Variants in IDE observed in about 807,000 individuals in gnomAD.
IDE encodes the protein insulin degrading enzyme.
Under a neutral mutation model 133.2 loss-of-function variants are expected in IDE, and 58 were observed. That is an observed-to-expected ratio of 0.44 (90% CI 0.35 to 0.54). The LOEUF (loss-of-function observed/expected upper bound fraction) is 0.54, where lower values mean the gene tolerates loss of function less well. Ranked by LOEUF, IDE falls within the 20% of genes least tolerant of loss-of-function variation. IDE has a pLI of 0.00. For missense variants in IDE, 981 were observed against 1,234.0 expected, an observed-to-expected ratio of 0.79 and a Z score of 3.07; for synonymous variants, 396 against 421.3, an observed-to-expected ratio of 0.94 and a Z score of 0.73.
chr10:92,458,991 A>C (rs1371611925), intron 22 of IDE, among the ~76,000 whole-genome samples: 3 of 152,200 alleles, frequency 2.0e-5, no homozygotes, highest in Non-Finnish European at 4.4e-5. Context: ...CATGAGGTAA[A>C]GAAAATCACT....
chr10:92,516,730 T>G (rs543960910), intron 4 of IDE, among the ~76,000 whole-genome samples: 1 of 152,298 alleles, frequency 6.6e-6, no homozygotes, highest in South Asian at 2.1e-4. Context: ...ACCATTAAAT[T>G]TGTGATGTGA....
intron 12 of IDE, among the ~76,000 whole-genome samples, chr10:92,489,273 C>G (rs1322332751): frequency 2.0e-5 from 3 of 152,212 alleles, no homozygotes; most frequent in Middle Eastern, 3.4e-3. Context: ...AATTCCCAGC[C>G]GGGTGTGGTG....
chr10:92,508,636 A>T, intron 7 of IDE, 92 bp downstream of exon 7: 2 of 1,196,118 alleles, frequency 1.7e-6, no homozygotes, highest in South Asian at 2.7e-5. Context: ...ACATCTAACA[A>T]TGTTCCTTCA....
intron 3 of IDE, among the ~76,000 whole-genome samples, chr10:92,533,230 T>A (rs1398277943): frequency 6.6e-6 from 1 of 152,206 alleles, no homozygotes; most frequent in Admixed American, 6.5e-5. Flanking sequence ...ATCTATTATA[T>A]GAACATCTGC....
chr10:92,540,992 G>A (rs1842276824), intron 1 of IDE, among the ~76,000 whole-genome samples: 2 of 152,110 alleles, frequency 1.3e-5, no homozygotes, highest in South Asian at 4.1e-4. Flanking sequence ...TAACTTATTT[G>A]GACGCTGAAG....
chr10:92,525,015 CT>C (rs1339577369), intron 4 of IDE, among the ~76,000 whole-genome samples: 3 of 152,054 alleles, frequency 2.0e-5, no homozygotes, highest in Non-Finnish European at 4.4e-5. Context: ...AATCCCAGCA[CT>C]TTGGGAGGCC....
intron 15 of IDE, among the ~76,000 whole-genome samples, chr10:92,478,461 C>T (rs1427121043): frequency 2.0e-5 from 3 of 152,120 alleles, no homozygotes; most frequent in East Asian, 3.9e-4. Flanking sequence ...ACAAGATGCA[C>T]TAAACTTTAT....
intron 22 of IDE, among the ~76,000 whole-genome samples, chr10:92,458,983 T>C (rs929196719): frequency 2.0e-5 from 3 of 152,130 alleles, no homozygotes; most frequent in African/African-American, 4.8e-5. Context: ...AAGGAAGCCA[T>C]GAGGTAAAGA....
At chr10:92,475,137 T>TG (rs1846186567) in intron 16 of IDE, among the ~76,000 whole-genome samples, 176 bp from the exon 17 acceptor site, 1 of 152,228 alleles carries the variant, frequency 6.6e-6, no homozygotes, top group African/African-American at 2.4e-5. Flanking sequence ...GATCTTTACA[T>TG]AAAAGTGCAT....
chr10:92,502,795 T>C (rs1173211210), intron 11 of IDE, among the ~76,000 whole-genome samples: 3 of 152,222 alleles, frequency 2.0e-5, no homozygotes, highest in Non-Finnish European at 2.9e-5. Flanking sequence ...AAAGAGCATT[T>C]GCTGTTAAAG....
chr10:92,454,162 A>C lies in IDE; in HGVS notation c.*282T>G. ...TAGGGAAGGAAGATTCTATAGGAAT[A>C]TCATTCATTTTAAGCATTGTTATAT... On this transcript the variant is annotated 3_prime_UTR_variant, in exon 25 of 25. Transcript: ENST00000265986. The C allele has an allele frequency of 4.0e-6, 1 of 248,068 alleles. No homozygotes were observed. Among genetic ancestry groups the C allele is most frequent in the East Asian group, 8.3e-5 (1 of 11,980 alleles). The allele number at this position is 248,068 out of a possible 1,614,324, so 15.4% of individuals were successfully genotyped here. A position where few individuals can be genotyped will look rare whatever the true frequency, so the allele number is the denominator to read the frequency against.
Position 92,531,742 on chromosome 10 carries a change from A to G in IDE, c.661+6T>C, listed in dbSNP as rs1849936262. ...ATGAGGTCAAGGAAAGCAGCTGTTG[A>G]CAAACCTGTCCCAAATTTACTGAAG... On this transcript the variant is annotated splice_donor_region_variant and intron_variant, in intron 4 of 24. Coordinates refer to ENST00000265986, the MANE Select transcript of IDE (RefSeq NM_004969.4). 6.4e-7 allele frequency: 1 copy of G among 1,566,740 alleles called. No homozygotes were observed. Among genetic ancestry groups the G allele is most frequent in the Non-Finnish European group, 8.7e-7 (1 of 1,152,086 alleles).
intron 10 of IDE, 29 bp downstream of exon 10, chr10:92,506,413 T>C: frequency 9.4e-7 from 1 of 1,065,538 alleles, no homozygotes; most frequent in Non-Finnish European, 1.4e-6. Context: ...CACACAGCAA[T>C]GTATACAGTA....
At chr10:92,459,773 C>T (rs557698821) in intron 22 of IDE, among the ~76,000 whole-genome samples, 17 of 149,466 alleles carry the variant, frequency 1.1e-4, no homozygotes, top group African/African-American at 4.2e-4. Context: ...GGAAATTTTG[C>T]TATCCTTCTT....
chr10:92,510,019 G>C (rs752425294), intron 6 of IDE, 31 bp downstream of exon 6: 3 of 1,093,724 alleles, frequency 2.7e-6, no homozygotes, highest in Non-Finnish European at 4.1e-6. Flanking sequence ...CATAAATTAA[G>C]AAGACAAAAT....
chr10:92,479,598 G>C (rs1216178158), intron 14 of IDE, 177 bp from the exon 15 acceptor site: 1 of 569,394 alleles, frequency 1.8e-6, no homozygotes, highest in African/African-American at 2.0e-5. Context: ...AAAGAAGCCT[G>C]AAGTGTGTGT....
chr10:92,559,347 T>C (rs1334063701), intron 1 of IDE: 2 of 152,234 alleles, frequency 1.3e-5, no homozygotes, highest in African/African-American at 2.4e-5. Flanking sequence ...TTATTCATTA[T>C]ATCTCAAGAC....
intron 2 of IDE, among the ~76,000 whole-genome samples, chr10:92,536,299 C>A (rs2135696444): frequency 6.6e-6 from 1 of 150,714 alleles, no homozygotes; most frequent in African/African-American, 2.4e-5. Context: ...AGGAAGATTG[C>A]TTGAACCTGG....
At chr10:92,547,637 A>T (rs1408462194) in intron 1 of IDE, among the ~76,000 whole-genome samples, 1 of 152,158 alleles carries the variant, frequency 6.6e-6, no homozygotes, top group East Asian at 1.9e-4. Context: ...TTGAATTTTG[A>T]ATTTTTCAGA....
Sources: allele counts gnomAD v4.1 joint callset (sites outside exome capture counted in the v4.1 genomes callset), GRCh38; gene constraint gnomAD v4.1.1; transcripts MANE v1.5; gene names NCBI Gene and HGNC (gene_info 2026-07-23, HGNC 2026-07-21).